Variants in TRAPPC10 observed in about 807,000 individuals in gnomAD.
TRAPPC10 encodes the protein TRAPP 130 kDa subunit.
TRAPPC10 carries 23 observed loss-of-function variants against 125.5 expected under a neutral mutation model. The observed-to-expected ratio is 0.18, with a 90% CI of 0.13 to 0.26. TRAPPC10 has a LOEUF of 0.26. TRAPPC10 is among the 10% of genes least tolerant of loss of function. The probability of loss-of-function intolerance (pLI) is 1.00; values close to 1 mark genes in which losing one functional copy is unlikely to be tolerated. For missense variants in TRAPPC10, 1,123 were observed against 1,308.4 expected, an observed-to-expected ratio of 0.86 and a Z score of 2.19; for synonymous variants, 509 against 518.0, an observed-to-expected ratio of 0.98 and a Z score of 0.24.
chr21:44,074,713 C>T (rs941522002), intron 8 of TRAPPC10, among the ~76,000 whole-genome samples: 10 of 152,306 alleles, frequency 6.6e-5, no homozygotes, highest in Admixed American at 1.3e-4. Flanking sequence ...TACCCTGAGT[C>T]GGGGGACACG....
At chr21:44,051,264 A>G (rs2035216257) in intron 3 of TRAPPC10, among the ~76,000 whole-genome samples, 1 of 152,132 alleles carries the variant, frequency 6.6e-6, no homozygotes, top group East Asian at 1.9e-4. Flanking sequence ...CCTGAGTGTT[A>G]CTCAAGAGTG....
At chr21:44,086,995 C>T in intron 16 of TRAPPC10, 35 bp downstream of exon 16, 2 of 1,608,486 alleles carry the variant, frequency 1.2e-6, no homozygotes, top group Non-Finnish European at 1.7e-6. Context: ...AAGGAGGATG[C>T]CCACCTTGCC....
intron 6 of TRAPPC10, among the ~76,000 whole-genome samples, chr21:44,061,398 T>C (rs1419975140): frequency 1.3e-5 from 2 of 152,056 alleles, no homozygotes; most frequent in Non-Finnish European, 2.9e-5. Flanking sequence ...CCTCCCAAAG[T>C]GCTGGGATTA....
At chr21:44,092,195 C>A in intron 19 of TRAPPC10, 146 bp downstream of exon 19, 1 of 1,026,352 alleles carries the variant, frequency 9.7e-7, no homozygotes, top group Non-Finnish European at 1.4e-6. Context: ...CCTCCGGCTG[C>A]CCTGAGGCTG....
At chr21:44,064,917 G>A (rs1453805105) in intron 7 of TRAPPC10, among the ~76,000 whole-genome samples, 1 of 152,064 alleles carries the variant, frequency 6.6e-6, no homozygotes, top group East Asian at 1.9e-4. Flanking sequence ...TTTCCACCTC[G>A]AAATGACCCT....
intron 11 of TRAPPC10, chr21:44,079,347 G>A (rs922552327): frequency 7.9e-6 from 4 of 507,056 alleles, no homozygotes; most frequent in East Asian, 6.9e-5. Context: ...ATCACCACAC[G>A]CTCATTTCTC....
intron 19 of TRAPPC10, among the ~76,000 whole-genome samples, chr21:44,092,536 G>A (rs1163373023): frequency 1.3e-5 from 2 of 152,156 alleles, no homozygotes; most frequent in Non-Finnish European, 2.9e-5. Context: ...TGTGTTTTTA[G>A]GCAGTAAATG....
chr21:44,062,539 G>T (rs1273206068), intron 6 of TRAPPC10: 1 of 985,314 alleles, frequency 1.0e-6, no homozygotes, highest in African/African-American at 1.7e-5. Flanking sequence ...TGAGAATCCT[G>T]TGGGAGGGGA....
At chr21:44,046,211 A>C (rs761938841) in intron 3 of TRAPPC10, 4 of 191,830 alleles carry the variant, frequency 2.1e-5, no homozygotes, top group Non-Finnish European at 4.7e-5. Flanking sequence ...AAGCTAATTA[A>C]ACTTCTAACT....
At chr21:44,056,595 T>TA (rs1418267240) in intron 5 of TRAPPC10, among the ~76,000 whole-genome samples, 1 of 152,134 alleles carries the variant, frequency 6.6e-6, no homozygotes, top group Non-Finnish European at 1.5e-5. Context: ...CTTTTCTCTG[T>TA]AAAAAATGAT....
At position 44,079,575 on chromosome 21, in the gene TRAPPC10, C is replaced by T. The variant is rs1161747262; in HGVS notation, c.1481C>T (p.Ala494Val). Residue 494 changes from alanine to valine, a missense_variant, in exon 12 of 23, where the codon GCT (alanine) becomes GTT (valine). By Grantham distance (64) the Ala-to-Val change is moderately conservative (BLOSUM62 0). Coordinates refer to ENST00000291574, the MANE Select transcript of TRAPPC10 (RefSeq NM_003274.5). ...GTTGACTTTGCAAGGAGGAAAAAGG[C>T]TCCACAAAAGGCAGAAATCTATCTT... ...DLAEFYMRKKAPQKAEIYLQG... is the reference protein window; with the variant it reads ...DLAEFYMRKKVPQKAEIYLQG... The T allele has an allele frequency of 1.9e-6, 3 of 1,595,780 alleles. No homozygotes were observed. Among genetic ancestry groups the T allele is most frequent in the Non-Finnish European group, 2.6e-6 (3 of 1,175,708 alleles).
chr21:44,077,430 A>T (rs1202190727), intron 10 of TRAPPC10, among the ~76,000 whole-genome samples: 2 of 152,168 alleles, frequency 1.3e-5, no homozygotes, highest in East Asian at 1.9e-4. Flanking sequence ...TCTGCTAAAG[A>T]TACAAAAAAT....
rs935731901 is a variant in TRAPPC10 at position 44,068,573 on chromosome 21, G to T, written c.1038+4788G>T. On this transcript the variant is annotated intron_variant, in intron 7 of 22. Transcript: ENST00000291574. ...ACTTCTGCCATAGTCCAAGGGAAAA[G>T]ACGGAGTTCCAAAAGGCAGTTGAGG... is the stretch of plus-strand genomic sequence containing the variant. Among the ~76,000 whole-genome samples the T allele has an allele frequency of 3.2e-4, 49 of 152,182 alleles. 1 individual carries two copies. The highest frequency in any genetic ancestry group is 2.6e-4 in the Non-Finnish European group (18 of 68,040).
intron 15 of TRAPPC10, 89 bp from the exon 16 acceptor site, chr21:44,086,713 G>A (rs1390876283): frequency 7.2e-7 from 1 of 1,396,250 alleles, no homozygotes; most frequent in Non-Finnish European, 9.9e-7. Flanking sequence ...CATAGTAAAA[G>A]AAATAGAGCC....
At chr21:44,014,577 T>G (rs2031587044) in intron 1 of TRAPPC10, among the ~76,000 whole-genome samples, 1 of 143,562 alleles carries the variant, frequency 7.0e-6, no homozygotes, top group Non-Finnish European at 1.5e-5. Context: ...GGCTAATTTT[T>G]TGTTTGTTTG....
chr21:44,058,749 G>A (rs1020258705), intron 5 of TRAPPC10, among the ~76,000 whole-genome samples: 8 of 152,302 alleles, frequency 5.3e-5, no homozygotes, highest in Middle Eastern at 6.8e-3. Context: ...AGAGAGCCTC[G>A]GGGAGCGAGA....
chr21:44,073,472 G>T (rs901479172), intron 7 of TRAPPC10, among the ~76,000 whole-genome samples: 1 of 152,170 alleles, frequency 6.6e-6, no homozygotes. Flanking sequence ...GCTAAAATGT[G>T]GGGGAAAACT....
intron 1 of TRAPPC10, among the ~76,000 whole-genome samples, chr21:44,013,177 C>T (rs1404565193): frequency 6.9e-6 from 1 of 144,922 alleles, no homozygotes; most frequent in East Asian, 2.0e-4. Flanking sequence ...GCCTCCCGCT[C>T]GAGTCTACAC....
chr21:44,035,352 C>G (rs1046100117), intron 2 of TRAPPC10, among the ~76,000 whole-genome samples: 4 of 152,190 alleles, frequency 2.6e-5, no homozygotes, highest in African/African-American at 4.8e-5. Flanking sequence ...CAATAACCTT[C>G]TGTTGCTTAT....
Sources: allele counts gnomAD v4.1 joint callset (sites outside exome capture counted in the v4.1 genomes callset), GRCh38; gene constraint gnomAD v4.1.1; transcripts MANE v1.5; gene names NCBI Gene and HGNC (gene_info 2026-07-23, HGNC 2026-07-21).